The following LPAR1 variants were observed in gnomAD, a reference collection of about 807,000 sequenced individuals.
The protein encoded by LPAR1 is LPA receptor 1.
LPAR1 carries 5 observed loss-of-function variants against 23.8 expected under a neutral mutation model. The ratio of observed to expected loss-of-function variants is 0.21; its 90% CI spans 0.11 to 0.44. The LOEUF is 0.44. Among genes scored for constraint, LPAR1 ranks in the 20% least tolerant of loss-of-function variants. The pLI is 0.99. For missense variants in LPAR1, 311 were observed against 482.8 expected (o/e 0.64, Z 3.33); for synonymous variants, 160 against 164.7 (o/e 0.97, Z 0.22).
intron 2 of LPAR1, among the ~76,000 whole-genome samples, chr9:111,035,663 A>G (rs149034148): frequency 1.1e-3 from 167 of 152,360 alleles, no homozygotes; most frequent in African/African-American, 3.9e-3. Context: ...ATCACAGTTC[A>G]GCTTTTACAA....
At chr9:110,919,524 G>A (rs901338860) in intron 5 of LPAR1, among the ~76,000 whole-genome samples, 3 of 152,132 alleles carry the variant, frequency 2.0e-5, no homozygotes, top group Admixed American at 6.5e-5. Flanking sequence ...GACAATTTGC[G>A]ATGTAGCATA....
chr9:110,962,940 C>T (rs1465225791), intron 4 of LPAR1, among the ~76,000 whole-genome samples: 1 of 152,148 alleles, frequency 6.6e-6, no homozygotes, highest in Non-Finnish European at 1.5e-5. Flanking sequence ...AAACAGCAGG[C>T]CACTGTCCCA....
chr9:110,912,515 G>A (rs1053461784), intron 5 of LPAR1, among the ~76,000 whole-genome samples: 8 of 152,128 alleles, frequency 5.3e-5, no homozygotes, highest in African/African-American at 1.9e-4. Context: ...AGAGAGAAGA[G>A]GAAACACCAA....
intron 4 of LPAR1, among the ~76,000 whole-genome samples, chr9:110,966,306 C>G (rs2096219823): frequency 6.6e-6 from 1 of 151,956 alleles, no homozygotes; most frequent in Middle Eastern, 3.2e-3. Flanking sequence ...TAGTGAAACC[C>G]CATCTCTACT....
intron 2 of LPAR1, among the ~76,000 whole-genome samples, chr9:110,991,577 GTT>G (rs147217715): frequency 0.28 from 23,594 of 82,930 alleles, 1,833 homozygotes; most frequent in South Asian, 0.34. Context: ...TTTCTGGTTT[GTT>G]TTGTTGTTGT....
chr9:110,881,565 T>C (rs1201199010), intron 5 of LPAR1, among the ~76,000 whole-genome samples: 3 of 152,082 alleles, frequency 2.0e-5, no homozygotes, highest in Non-Finnish European at 4.4e-5. Flanking sequence ...AGACTCTAAC[T>C]CTCATCCTGC....
At chr9:110,956,069 G>C (rs576345103) in intron 4 of LPAR1, among the ~76,000 whole-genome samples, 1 of 152,196 alleles carries the variant, frequency 6.6e-6, no homozygotes, top group African/African-American at 2.4e-5. Context: ...AAAAAAGGAT[G>C]AGTTCGTGTC....
At chr9:111,031,267 T>C (rs2097788812) in intron 2 of LPAR1, among the ~76,000 whole-genome samples, 1 of 151,586 alleles carries the variant, frequency 6.6e-6, no homozygotes, top group Non-Finnish European at 1.5e-5. Flanking sequence ...GACTTCAAAA[T>C]AAGTATTAGC....
chr9:110,907,527 A>G (rs2091536042), intron 5 of LPAR1, among the ~76,000 whole-genome samples: 1 of 152,178 alleles, frequency 6.6e-6, no homozygotes, highest in African/African-American at 2.4e-5. Flanking sequence ...GTTAAACATC[A>G]GGGTCCAGTA....
chr9:110,901,745 C>G (rs575728662), intron 5 of LPAR1, among the ~76,000 whole-genome samples: 2 of 151,996 alleles, frequency 1.3e-5, no homozygotes, highest in African/African-American at 4.8e-5. Flanking sequence ...AGCATGATTA[C>G]GAAGTAGGGG....
At chr9:110,968,984 T>C (rs1056657636) in intron 4 of LPAR1, among the ~76,000 whole-genome samples, 57 of 152,098 alleles carry the variant, frequency 3.7e-4, no homozygotes, top group Admixed American at 3.3e-3. Flanking sequence ...AATTAGTAAA[T>C]TGAAGCAGGG....
At chr9:110,994,060 T>C (rs2096948430) in intron 2 of LPAR1, among the ~76,000 whole-genome samples, 1 of 152,214 alleles carries the variant, frequency 6.6e-6, no homozygotes. Flanking sequence ...TAAATAAGTC[T>C]GGAAGACATC....
At chr9:110,971,176 T>C (rs1680912539) in intron 4 of LPAR1, among the ~76,000 whole-genome samples, 2 of 152,002 alleles carry the variant, frequency 1.3e-5, no homozygotes, top group East Asian at 1.9e-4. Context: ...CAAAAAATGA[T>C]TGTCACAAAT....
chr9:110,942,997 T>C (rs1382391502), intron 4 of LPAR1, among the ~76,000 whole-genome samples: 1 of 118,072 alleles, frequency 8.5e-6, no homozygotes, highest in Non-Finnish European at 1.7e-5. Context: ...GATAAGAATA[T>C]ATTTGCTTAT....
chr9:110,934,226 G>T (rs2094555432), intron 5 of LPAR1, among the ~76,000 whole-genome samples: 1 of 152,178 alleles, frequency 6.6e-6, no homozygotes, highest in Non-Finnish European at 1.5e-5. Context: ...AAGAGACTCT[G>T]TGTCCATTCC....
At chr9:110,920,640 T>C (rs1564468045) in intron 5 of LPAR1, among the ~76,000 whole-genome samples, 1 of 152,192 alleles carries the variant, frequency 6.6e-6, no homozygotes, top group Non-Finnish European at 1.5e-5. Flanking sequence ...AGCACCAGCA[T>C]TGAAACTACA....
chr9:110,876,923 T>C (rs1159743559), intron 5 of LPAR1, among the ~76,000 whole-genome samples: 2 of 152,220 alleles, frequency 1.3e-5, no homozygotes, highest in Non-Finnish European at 2.9e-5. Flanking sequence ...GCTGGGGATC[T>C]TCTACTGAAA....
chr9:110,885,834 G>A (rs922754710), intron 5 of LPAR1, among the ~76,000 whole-genome samples: 1 of 152,094 alleles, frequency 6.6e-6, no homozygotes, highest in African/African-American at 2.4e-5. Context: ...AGGCTGAGGC[G>A]GATGGATCAC....
chr9:110,942,698 A>G (rs1279078110), intron 4 of LPAR1, among the ~76,000 whole-genome samples: 1 of 152,188 alleles, frequency 6.6e-6, no homozygotes, highest in Admixed American at 6.5e-5. Flanking sequence ...CAAACAAGTC[A>G]CTGTGCATCA....
Sources: allele counts gnomAD v4.1 joint callset (sites outside exome capture counted in the v4.1 genomes callset), GRCh38; gene constraint gnomAD v4.1.1; transcripts MANE v1.5; gene names NCBI Gene and HGNC (gene_info 2026-07-23, HGNC 2026-07-21).